The following DPP10 variants were observed in gnomAD, a reference collection of about 807,000 sequenced individuals.
DPP10 encodes dipeptidyl peptidase like 10.
Under a neutral mutation model 120.9 loss-of-function variants are expected in DPP10, and 33 were observed. That is an observed-to-expected ratio of 0.27 (90% CI 0.21 to 0.37). The LOEUF (loss-of-function observed/expected upper bound fraction) is 0.37, where lower values mean the gene tolerates loss of function less well. Ranked by LOEUF, DPP10 falls within the 10% of genes least tolerant of loss-of-function variation. DPP10 has a pLI of 1.00. For missense variants in DPP10, 816 were observed against 942.8 expected (o/e 0.87, Z 1.76); for synonymous variants, 337 against 326.1 (o/e 1.03, Z -0.36).
chr2:115,252,698 G>A (rs1207899444), intron 1 of DPP10, among the ~76,000 whole-genome samples: 2 of 152,032 alleles, frequency 1.3e-5, no homozygotes, highest in African/African-American at 4.8e-5. Context: ...TTAGCAATAG[G>A]GTAAGGACTG....
At chr2:114,488,612 G>C (rs970980328) in intron 1 of DPP10, among the ~76,000 whole-genome samples, 3 of 152,292 alleles carry the variant, frequency 2.0e-5, no homozygotes, top group African/African-American at 7.2e-5. Flanking sequence ...TCTGAGCGGT[G>C]GCAGAGCCAT....
chr2:114,767,207 C>CAAAAAAAAA (rs5833559), intron 1 of DPP10, among the ~76,000 whole-genome samples: 15 of 33,066 alleles, frequency 4.5e-4, no homozygotes, highest in Non-Finnish European at 6.0e-4. Flanking sequence ...AGGATAAAAG[C>CAAAAAAAAA]AAAAAAAAAA....
At chr2:115,626,674 A>G (rs2085391066) in intron 5 of DPP10, among the ~76,000 whole-genome samples, 1 of 152,180 alleles carries the variant, frequency 6.6e-6, no homozygotes, top group Non-Finnish European at 1.5e-5. Context: ...TGGAATGGGT[A>G]TGTGTGGAAG....
chr2:114,818,124 A>G (rs547927700), intron 1 of DPP10, among the ~76,000 whole-genome samples: 3 of 151,384 alleles, frequency 2.0e-5, no homozygotes, highest in South Asian at 4.2e-4. Flanking sequence ...ACTGCCCAAA[A>G]AGAGAGAGAG....
At chr2:115,775,509 C>T (rs553411009) in intron 13 of DPP10, among the ~76,000 whole-genome samples, 46 of 151,842 alleles carry the variant, frequency 3.0e-4, no homozygotes, top group African/African-American at 1.1e-3. Context: ...ATTTAAGAAA[C>T]AATCAAAATC....
chr2:115,593,829 A>C (rs2082827643), intron 5 of DPP10, among the ~76,000 whole-genome samples: 1 of 152,206 alleles, frequency 6.6e-6, no homozygotes, highest in Non-Finnish European at 1.5e-5. Flanking sequence ...TTAATTGCTT[A>C]AAGTTCAACA....
chr2:115,440,450 C>T (rs2071924268), intron 3 of DPP10, among the ~76,000 whole-genome samples: 2 of 148,466 alleles, frequency 1.3e-5, no homozygotes, highest in South Asian at 4.4e-4. Context: ...TAGTGTTATG[C>T]ATATCTTATT....
intron 1 of DPP10, among the ~76,000 whole-genome samples, chr2:115,198,731 TGAA>T (rs769515862): frequency 2.0e-5 from 3 of 152,152 alleles, no homozygotes; most frequent in Non-Finnish European, 4.4e-5. Flanking sequence ...TTAAGATCAG[TGAA>T]GAAGATTTTT....
rs780704040 is a variant in DPP10 at position 115,842,205 on chromosome 2, T to C, written c.2257-6T>C. 1 of 1,590,612 alleles carries C rather than the reference T, an allele frequency of 6.3e-7. No individual in the cohort carries two copies. Among genetic ancestry groups the C allele is most frequent in the Admixed American group, 1.7e-5 (1 of 59,266 alleles). ...TTTGAAATCTTCTTTCTCCTCAATA[T>C]CTTAGGTCTACCCAGATGAAGGTCA... On this transcript the variant is annotated splice_polypyrimidine_tract_variant and splice_region_variant and intron_variant, in intron 25 of 25. Coordinates refer to ENST00000410059, the MANE Select transcript of DPP10 (RefSeq NM_020868.6).
At chr2:114,729,893 G>A (rs1676724959) in intron 1 of DPP10, among the ~76,000 whole-genome samples, 1 of 152,132 alleles carries the variant, frequency 6.6e-6, no homozygotes, top group South Asian at 2.1e-4. Context: ...CCTTAAAAAT[G>A]GACCAGAACA....
intron 2 of DPP10, among the ~76,000 whole-genome samples, chr2:115,315,604 T>C (rs2106066394): frequency 6.6e-6 from 1 of 152,302 alleles, no homozygotes; most frequent in Admixed American, 6.5e-5. Flanking sequence ...GAAAATAATG[T>C]TTTACCAGAT....
At chr2:115,514,153 T>C (rs1172778548) in intron 4 of DPP10, among the ~76,000 whole-genome samples, 1 of 151,974 alleles carries the variant, frequency 6.6e-6, no homozygotes, top group Non-Finnish European at 1.5e-5. Flanking sequence ...GTTCCTTGTA[T>C]GTGATGTTAT....
At chr2:115,135,571 T>C (rs186922466) in intron 1 of DPP10, among the ~76,000 whole-genome samples, 1 of 152,140 alleles carries the variant, frequency 6.6e-6, no homozygotes, top group African/African-American at 2.4e-5. Flanking sequence ...TAATTTTAAA[T>C]GGAACATTTT....
At chr2:114,474,844 T>G (rs1186906113) in intron 1 of DPP10, among the ~76,000 whole-genome samples, 2 of 152,190 alleles carry the variant, frequency 1.3e-5, no homozygotes, top group Non-Finnish European at 2.9e-5. Context: ...AAAGTCATGG[T>G]AGGGGCTATA....
intron 1 of DPP10, among the ~76,000 whole-genome samples, chr2:115,187,134 T>C (rs1308560997): frequency 7.1e-6 from 1 of 140,910 alleles, no homozygotes; most frequent in Non-Finnish European, 1.5e-5. Flanking sequence ...CTTCCCGGGT[T>C]CACGCCATTC....
intron 1 of DPP10, among the ~76,000 whole-genome samples, chr2:114,823,845 C>T (rs1686305335): frequency 6.6e-6 from 1 of 152,186 alleles, no homozygotes; most frequent in South Asian, 2.1e-4. Flanking sequence ...TGTTCTCTTA[C>T]CAGTGTCCCC....
rs118005672 is a variant in DPP10, at chr2:115,183,050, T to C, written c.61-126189T>C. On this transcript the variant is annotated intron_variant, in intron 1 of 25. Transcript: ENST00000410059. ...ACACACGTACGTGCATGCGCACACATGCACACAGAGGCACGCACATTAACT... is the reference window on the plus strand; with the variant it reads ...ACACACGTACGTGCATGCGCACACACGCACACAGAGGCACGCACATTAACT... Among the ~76,000 whole-genome samples, 301 of 150,292 alleles carry C rather than the reference T, an allele frequency of 2.0e-3. 6 individuals carry two copies. In the East Asian group the frequency reaches 0.049, roughly 24 times the overall value.
intron 1 of DPP10, among the ~76,000 whole-genome samples, chr2:115,274,691 G>A (rs1335005276): frequency 6.6e-6 from 1 of 152,166 alleles, no homozygotes; most frequent in Non-Finnish European, 1.5e-5. Context: ...AAATGAGAAA[G>A]TCAGAAACTC....
chr2:115,557,873 C>T (rs12711826), intron 5 of DPP10, among the ~76,000 whole-genome samples: 147,539 of 152,294 alleles, frequency 0.97, 71,643 homozygotes, highest in East Asian at 1. Context: ...GTGAAAGTTT[C>T]ATTTATTTTG....
Sources: gnomAD v4.1 joint callset for allele counts (sites outside exome capture counted in the v4.1 genomes callset) on GRCh38, gnomAD v4.1.1 for gene constraint, MANE v1.5 for transcripts, NCBI Gene and HGNC (gene_info 2026-07-23, HGNC 2026-07-21) for gene names.